Variants in FOXN3 observed in about 807,000 individuals in gnomAD.
FOXN3 encodes the protein forkhead box N3.
A neutral mutation model predicts 38.4 loss-of-function variants in FOXN3; 7 were observed. The ratio of observed to expected loss-of-function variants is 0.18; its 90% CI spans 0.10 to 0.34. The LOEUF (loss-of-function observed/expected upper bound fraction) is 0.34. Among genes scored for constraint, FOXN3 ranks in the 10% least tolerant of loss-of-function variants. FOXN3 has a pLI of 1.00. For missense variants in FOXN3, 456 were observed against 613.4 expected (o/e 0.74, Z 2.71); for synonymous variants, 230 against 242.2 (o/e 0.95, Z 0.47).
chr14:89,286,383 G>A (rs1035115007), intron 3 of FOXN3, among the ~76,000 whole-genome samples: 27 of 152,136 alleles, frequency 1.8e-4, no homozygotes, highest in Admixed American at 1.4e-3. Context: ...CCAAACCAAC[G>A]GGGATGGGGT....
Position 89,162,655 on chromosome 14 carries a change from T to C in FOXN3, c.1166A>G (p.Asp389Gly). Reference protein sequence around the residue: ...SQKEPKDSLGDSGYASQHKKR... With the variant: ...SQKEPKDSLGGSGYASQHKKR... The stretch of plus-strand genomic sequence containing the variant: ...CTTGTGCTGGGATGCGTACCCGCTG[T>C]CCCCCAGAGAATCCTTGGGCTCCTT... The change falls in exon 6 of 6, where the codon GAC becomes GGC. Residue 389 changes from aspartate (D) to glycine (G), a missense_variant. Physicochemically the swap from Asp to Gly is moderately conservative, Grantham distance 94. Around this residue, in one of 3 missense-constraint regions of FOXN3, gnomAD observed 386 missense variants for 505.2 expected, o/e 0.76. Coordinates refer to ENST00000557258, the MANE Select transcript of FOXN3 (RefSeq NM_005197.4). This position sits in a 1 kb window ranked among gnomAD's most constrained non-coding sequence, Gnocchi z 7.2. 1 of 1,613,938 alleles carries C rather than the reference T, an allele frequency of 6.2e-7. No individual in the cohort carries two copies. Among genetic ancestry groups the C allele is most frequent in the African/African-American group, 1.3e-5 (1 of 74,968 alleles).
In FOXN3 at chr14:89,360,752, CACCACCTCCACCACT is replaced by C. The variant is rs1259835618; in HGVS notation, c.544-9959_544-9945del. On this transcript the variant is annotated intron_variant, in intron 2 of 5. Transcript: ENST00000557258. ...CCACCACCTCCAGCACCACCTCCAC[CACCACCTCCACCACT>C]ACCACCTCCACCACCACCTCCACCA... Among the ~76,000 whole-genome samples, 193 of 119,908 alleles carry C rather than the reference CACCACCTCCACCACT, an allele frequency of 1.6e-3. 7 individuals are homozygous for C. Among genetic ancestry groups the C allele is most frequent in the African/African-American group, 4.2e-3 (115 of 27,382 alleles). 78.7% of individuals were successfully genotyped at this position (119,908 alleles called of 152,430 possible).
chr14:89,528,376 CTTTTTTTTTTTTTTTTTTTTTTTT>C (rs55935162), intron 1 of FOXN3, among the ~76,000 whole-genome samples: 1 of 53,578 alleles, frequency 1.9e-5, no homozygotes, highest in Admixed American at 3.4e-4. Flanking sequence ...ATGGATGAAT[CTTTTTTTTTTTTTTTTTTTTTTTT>C]TTTTTTTTTG....
intron 1 of FOXN3, among the ~76,000 whole-genome samples, chr14:89,458,779 C>A (rs1381351858): frequency 6.6e-6 from 1 of 152,098 alleles, no homozygotes; most frequent in East Asian, 1.9e-4. Context: ...ATCAAGACCC[C>A]CTCTAGGTCC....
At chr14:89,379,386 A>G (rs1196518349) in intron 2 of FOXN3, among the ~76,000 whole-genome samples, 1 of 152,140 alleles carries the variant, frequency 6.6e-6, no homozygotes, top group African/African-American at 2.4e-5. Context: ...CGGCCGGGTA[A>G]TTCTTTGCTG....
chr14:89,366,380 CT>C (rs1890153473), intron 2 of FOXN3, among the ~76,000 whole-genome samples: 2 of 152,142 alleles, frequency 1.3e-5, no homozygotes, highest in Admixed American at 1.3e-4. Flanking sequence ...GCATGTTCCT[CT>C]TTTTTTCTAA....
intron 4 of FOXN3, among the ~76,000 whole-genome samples, chr14:89,204,009 C>G (rs573386067): frequency 6.7e-6 from 1 of 150,116 alleles, no homozygotes; most frequent in East Asian, 2.0e-4. Context: ...CCATCTTATC[C>G]CAAGGTCAGA....
At chr14:89,416,842 G>T (rs966423960) in intron 1 of FOXN3, 29 bp downstream of exon 1, 2 of 151,968 alleles carry the variant, frequency 1.3e-5, no homozygotes, top group African/African-American at 4.8e-5. Context: ...GCCCACGCGG[G>T]AGCCGGCAGG....
chr14:89,388,482 G>A (rs1183191824), intron 2 of FOXN3, among the ~76,000 whole-genome samples: 1 of 152,126 alleles, frequency 6.6e-6, no homozygotes, highest in Admixed American at 6.5e-5. Flanking sequence ...TCAGCGCCTA[G>A]GAAGCCAGGA....
chr14:89,171,591 A>C (rs1887388709), intron 5 of FOXN3, among the ~76,000 whole-genome samples: 1 of 152,204 alleles, frequency 6.6e-6, no homozygotes, highest in African/African-American at 2.4e-5. Flanking sequence ...GTTTTGTTCA[A>C]AACGACAAAT....
intron 1 of FOXN3, among the ~76,000 whole-genome samples, chr14:89,493,555 C>T (rs1245502988): frequency 6.6e-6 from 1 of 152,120 alleles, no homozygotes; most frequent in Non-Finnish European, 1.5e-5. Flanking sequence ...GCAAATGGTA[C>T]TAAAAAGTAG....
intron 1 of FOXN3, among the ~76,000 whole-genome samples, chr14:89,566,359 G>T (rs770023683): frequency 2.6e-5 from 4 of 151,960 alleles, no homozygotes; most frequent in Non-Finnish European, 5.9e-5. Flanking sequence ...GCCAGCTCAC[G>T]CTGGGTAGAA....
At chr14:89,511,978 C>G (rs1427785572) in intron 1 of FOXN3, among the ~76,000 whole-genome samples, 1 of 152,144 alleles carries the variant, frequency 6.6e-6, no homozygotes, top group Non-Finnish European at 1.5e-5. Context: ...CCACCTAGTC[C>G]CTCTCATGAT....
intron 1 of FOXN3, among the ~76,000 whole-genome samples, chr14:89,428,450 C>T (rs1470682263): frequency 6.6e-6 from 1 of 152,118 alleles, no homozygotes; most frequent in Non-Finnish European, 1.5e-5. Flanking sequence ...AGGGTCGGGG[C>T]TGGAAAGGAA....
At chr14:89,404,861 T>C (rs1342002932) in intron 2 of FOXN3, among the ~76,000 whole-genome samples, 3 of 152,116 alleles carry the variant, frequency 2.0e-5, no homozygotes, top group African/African-American at 7.2e-5. Flanking sequence ...AAATTACATG[T>C]TCCACCCCAC....
intron 1 of FOXN3, among the ~76,000 whole-genome samples, chr14:89,414,808 C>T (rs1891650569): frequency 6.6e-6 from 1 of 152,176 alleles, no homozygotes; most frequent in African/African-American, 2.4e-5. Context: ...GCCTCGGCCT[C>T]CCAAAGTGCT....
intron 3 of FOXN3, among the ~76,000 whole-genome samples, chr14:89,283,492 A>T (rs556125175): frequency 3.9e-4 from 59 of 152,314 alleles, no homozygotes; most frequent in Middle Eastern, 3.4e-3. Flanking sequence ...TTAAAACCAC[A>T]CATAGTACAT....
intron 1 of FOXN3, among the ~76,000 whole-genome samples, chr14:89,470,679 T>C (rs1044901916): frequency 2.0e-5 from 3 of 152,226 alleles, no homozygotes; most frequent in African/African-American, 7.2e-5. Flanking sequence ...TGAATTTCTT[T>C]TGGGGCCTTG....
chr14:89,169,209 G>C (rs1887322350), intron 5 of FOXN3, among the ~76,000 whole-genome samples: 1 of 152,142 alleles, frequency 6.6e-6, no homozygotes, highest in Non-Finnish European at 1.5e-5. Flanking sequence ...GGGAGGCTGA[G>C]GGAAGTGAAT....
Sources: allele counts gnomAD v4.1 joint callset (sites outside exome capture counted in the v4.1 genomes callset), GRCh38; gene constraint gnomAD v4.1.1; regional missense constraint gnomAD v4.1.1; non-coding constraint Gnocchi (gnomAD v3.1); transcripts MANE v1.5; gene names NCBI Gene and HGNC (gene_info 2026-07-23, HGNC 2026-07-21).